The following PTPN3 variants were observed in gnomAD, a reference collection of about 807,000 sequenced individuals.
PTPN3 encodes the protein protein tyrosine phosphatase non-receptor type 3.
In PTPN3, 96 loss-of-function variants were observed where a neutral mutation model predicts 132.7. The ratio of observed to expected loss-of-function variants is 0.72; its 90% CI spans 0.61 to 0.86. The LOEUF (loss-of-function observed/expected upper bound fraction) is 0.86, where lower values mean the gene tolerates loss of function less well. PTPN3 is among the 40% of genes least tolerant of loss of function. The probability of loss-of-function intolerance (pLI) is 0.00; values close to 1 mark genes in which losing one functional copy is unlikely to be tolerated. For synonymous variants in PTPN3, 398 were observed against 429.0 expected, an observed-to-expected ratio of 0.93 and a Z score of 0.89; for missense variants, 1,125 against 1,159.6, an observed-to-expected ratio of 0.97 and a Z score of 0.43.
chr9:109,480,741 T>A (rs146689887), intron 1 of PTPN3, among the ~76,000 whole-genome samples: 62 of 152,308 alleles, frequency 4.1e-4, no homozygotes, highest in African/African-American at 1.4e-3. Flanking sequence ...CTGGTCTTGC[T>A]GAGTGGAGTC....
At chr9:109,455,056 T>C (rs965802971) in intron 4 of PTPN3, among the ~76,000 whole-genome samples, 1 of 152,214 alleles carries the variant, frequency 6.6e-6, no homozygotes, top group Admixed American at 6.5e-5. Flanking sequence ...AGAGGTGACT[T>C]GCCTTAGGTC....
At chr9:109,523,677 T>G in the PTPN3 span, among the ~76,000 whole-genome samples, 3 of 152,288 alleles carry the variant, frequency 2.0e-5, no homozygotes, top group Non-Finnish European at 4.4e-5. Context: ...TCTGGAATTC[T>G]CCTTTTCCAG....
chr9:109,487,753 G>A (rs1588505097), intron 1 of PTPN3, among the ~76,000 whole-genome samples: 1 of 152,322 alleles, frequency 6.6e-6, no homozygotes, highest in Middle Eastern at 3.4e-3. Flanking sequence ...TATTTCTATA[G>A]TCAGAGAAAT....
upstream of PTPN3, chr9:109,498,379 G>A (rs996491730): frequency 2.7e-5 from 4 of 147,020 alleles, no homozygotes; most frequent in Admixed American, 6.7e-5. The surrounding 1 kb of genome is among the most constrained non-coding windows in gnomAD (Gnocchi z 4.2). Context: ...CGCGCCGGGC[G>A]GGGGGCGGGC....
the PTPN3 span, among the ~76,000 whole-genome samples, chr9:109,538,397 C>A: frequency 6.6e-6 from 1 of 152,200 alleles, no homozygotes; most frequent in Non-Finnish European, 1.5e-5. Context: ...AATCTTGCCT[C>A]AATCGGCTTC....
intron 12 of PTPN3, among the ~76,000 whole-genome samples, 156 bp downstream of exon 12, chr9:109,426,794 C>A (rs567669836): frequency 6.6e-6 from 1 of 152,146 alleles, no homozygotes; most frequent in East Asian, 1.9e-4. Flanking sequence ...ACACTGCTGA[C>A]CCCGGGAGAC....
At chr9:109,397,329 T>A (rs1328359457) in intron 19 of PTPN3, among the ~76,000 whole-genome samples, 1 of 152,134 alleles carries the variant, frequency 6.6e-6, no homozygotes, top group Non-Finnish European at 1.5e-5. Flanking sequence ...ATTTGTAGAG[T>A]CAAGGAATAA....
At chr9:109,423,913 A>G (rs1325144984) in intron 12 of PTPN3, among the ~76,000 whole-genome samples, 1 of 152,222 alleles carries the variant, frequency 6.6e-6, no homozygotes, top group African/African-American at 2.4e-5. Context: ...CAAACAAAAG[A>G]ACATAAACAA....
chr9:109,526,182 A>G, the PTPN3 span, among the ~76,000 whole-genome samples: 1 of 152,230 alleles, frequency 6.6e-6, no homozygotes, highest in Non-Finnish European at 1.5e-5. Flanking sequence ...CAGTACACTG[A>G]CAACCATAAA....
chr9:109,455,234 T>C (rs1219511964), intron 4 of PTPN3, among the ~76,000 whole-genome samples: 1 of 152,268 alleles, frequency 6.6e-6, no homozygotes, highest in African/African-American at 2.4e-5. Flanking sequence ...TACGGCTTTA[T>C]GCATCAACAT....
the PTPN3 span, among the ~76,000 whole-genome samples, chr9:109,524,352 G>T: frequency 1.0e-4 from 4 of 39,424 alleles, 2 homozygotes; most frequent in Non-Finnish European, 1.9e-4. Context: ...TCCTCAGAAT[G>T]AACCTATGAA....
chr9:109,393,076 T>G (rs1361599941), intron 19 of PTPN3: 1 of 152,236 alleles, frequency 6.6e-6, no homozygotes, highest in Non-Finnish European at 1.5e-5. Flanking sequence ...ATTTGTTAAA[T>G]TCTGATCAGC....
chr9:109,489,505 G>A (rs1252145552), intron 1 of PTPN3, among the ~76,000 whole-genome samples: 3 of 152,236 alleles, frequency 2.0e-5, no homozygotes, highest in South Asian at 2.1e-4. Flanking sequence ...CCACACGTCC[G>A]GATTTACCTA....
At chr9:109,517,832 T>G in the PTPN3 span, among the ~76,000 whole-genome samples, 1 of 152,202 alleles carries the variant, frequency 6.6e-6, no homozygotes, top group South Asian at 2.1e-4. Context: ...CTTTGGCCTC[T>G]GGCTGCCATT....
At chr9:109,471,305 G>A (rs1846369622) in intron 1 of PTPN3, among the ~76,000 whole-genome samples, 1 of 152,170 alleles carries the variant, frequency 6.6e-6, no homozygotes, top group Admixed American at 6.5e-5. Context: ...TGATTTGCCT[G>A]CCTTGGCCTC....
intron 7 of PTPN3, among the ~76,000 whole-genome samples, chr9:109,440,261 A>G (rs986791663): frequency 6.6e-6 from 1 of 152,232 alleles, no homozygotes; most frequent in Non-Finnish European, 1.5e-5. Context: ...GGCCAGCCAA[A>G]TGTGGCCAAG....
chr9:109,416,810 T>C (rs995212874), intron 14 of PTPN3, among the ~76,000 whole-genome samples: 2 of 152,310 alleles, frequency 1.3e-5, no homozygotes, highest in South Asian at 4.1e-4. Context: ...AGGCAGGCTC[T>C]AAGGAAAGAG....
intron 6 of PTPN3, among the ~76,000 whole-genome samples, chr9:109,448,174 G>T (rs888358642): frequency 2.0e-5 from 3 of 152,140 alleles, no homozygotes; most frequent in Non-Finnish European, 4.4e-5. Context: ...CTCCCTCATG[G>T]TACAGCACGC....
chr9:109,395,371 T>C (rs1199418192), intron 19 of PTPN3, among the ~76,000 whole-genome samples: 1 of 152,244 alleles, frequency 6.6e-6, no homozygotes, highest in Non-Finnish European at 1.5e-5. Flanking sequence ...AAGTTAAGGT[T>C]GTTTTGGCCT....
Sources: gnomAD v4.1 joint callset for allele counts (sites outside exome capture counted in the v4.1 genomes callset) on GRCh38, gnomAD v4.1.1 for gene constraint, Gnocchi (gnomAD v3.1) non-coding constraint, MANE v1.5 for transcripts, NCBI Gene and HGNC (gene_info 2026-07-23, HGNC 2026-07-21) for gene names.